The following ANO10 variants were observed in gnomAD, a reference collection of about 807,000 sequenced individuals.
ANO10 encodes anoctamin 10, also known as anoctamin-10.
Under a neutral mutation model 74.7 loss-of-function variants are expected in ANO10, and 77 were observed. The observed-to-expected ratio is 1.03, with a 90% CI of 0.86 to 1.25. ANO10 has a LOEUF of 1.25. Ranked by LOEUF, ANO10 falls within the 50% of genes most tolerant of loss-of-function variation. ANO10 has a pLI of 0.00. For synonymous variants in ANO10, 279 were observed against 284.9 expected, an observed-to-expected ratio of 0.98 and a Z score of 0.21; for missense variants, 721 against 778.1, an observed-to-expected ratio of 0.93 and a Z score of 0.87.
intron 11 of ANO10, among the ~76,000 whole-genome samples, chr3:43,443,222 T>C (rs1253809509): frequency 1.3e-5 from 2 of 152,220 alleles, no homozygotes; most frequent in African/African-American, 2.4e-5. Flanking sequence ...CATGGGTGAC[T>C]TTCCAAGATC....
intron 4 of ANO10, among the ~76,000 whole-genome samples, chr3:43,597,938 C>T (rs541845673): frequency 6.6e-6 from 1 of 151,406 alleles, no homozygotes; most frequent in African/African-American, 2.4e-5. Flanking sequence ...AAAACAACAA[C>T]AACAACAAAA....
At chr3:43,419,795 C>T (rs543552968) in intron 12 of ANO10, among the ~76,000 whole-genome samples, 2 of 152,288 alleles carry the variant, frequency 1.3e-5, no homozygotes, top group African/African-American at 2.4e-5. Context: ...GGATGACAGG[C>T]GTGAGCTACT....
rs553569452 is a variant in ANO10 at position 43,514,456 on chromosome 3, GAC to G, written c.1797+35262_1797+35263del. 2.1e-3 allele frequency among the ~76,000 whole-genome samples: 316 copies of G among 152,120 alleles called. 2 individuals are homozygous for G. The highest frequency in any genetic ancestry group is 7.0e-3 in the African/African-American group (291 of 41,500). On this transcript the variant is annotated intron_variant, in intron 11 of 12. Transcript: ENST00000292246. ...ATGATGAAACAATTATATACCAAATGACAGAGCTTCAAAAAAAAGAAGCAAAA... is the reference window on the plus strand; with the variant it reads ...ATGATGAAACAATTATATACCAAATGAGAGCTTCAAAAAAAAGAAGCAAAA...
intron 1 of ANO10, among the ~76,000 whole-genome samples, chr3:43,669,006 T>G (rs1360311411): frequency 6.6e-6 from 1 of 152,186 alleles, no homozygotes; most frequent in Non-Finnish European, 1.5e-5. Flanking sequence ...TAATGTACAT[T>G]TATAACTAAT....
chr3:43,377,134 T>A (rs2091831427), intron 12 of ANO10, among the ~76,000 whole-genome samples: 7 of 152,062 alleles, frequency 4.6e-5, no homozygotes, highest in Non-Finnish European at 1.5e-5. Flanking sequence ...TAGGCTGGAG[T>A]GGAGTGCAGT....
At chr3:43,688,070 G>A (rs1460899311) in intron 1 of ANO10, among the ~76,000 whole-genome samples, 1 of 152,182 alleles carries the variant, frequency 6.6e-6, no homozygotes, top group Non-Finnish European at 1.5e-5. Flanking sequence ...CCAGAGTTGA[G>A]GAAGATCATG....
intron 11 of ANO10, among the ~76,000 whole-genome samples, chr3:43,447,103 C>T (rs1003064092): frequency 1.3e-5 from 2 of 152,120 alleles, no homozygotes; most frequent in African/African-American, 4.8e-5. Context: ...ACTTTATCGA[C>T]CAGTGATGGA....
chr3:43,429,540 A>G (rs765182203), intron 12 of ANO10, among the ~76,000 whole-genome samples: 1 of 152,144 alleles, frequency 6.6e-6, no homozygotes, highest in Non-Finnish European at 1.5e-5. Flanking sequence ...AATGCAATCA[A>G]TGGAGAAATC....
Position 43,462,153 on chromosome 3 carries a change from G to C in ANO10, c.1798-29426C>G, listed in dbSNP as rs1320170718. 4.6e-5 allele frequency among the ~76,000 whole-genome samples: 7 copies of C among 152,132 alleles called. No homozygotes were observed. In the East Asian group the frequency reaches 1.3e-3, roughly 29 times the overall value. On this transcript the variant is annotated intron_variant, in intron 11 of 12. Transcript: ENST00000292246. ...TTTGAGCTTGAGAGAGTTGATTTAG[G>C]GTATTTGGTGGAAGAAATTTCTAAG... is the stretch of plus-strand genomic sequence containing the variant.
chr3:43,536,823 C>A (rs1267874044), intron 11 of ANO10, among the ~76,000 whole-genome samples: 1 of 151,808 alleles, frequency 6.6e-6, no homozygotes, highest in Non-Finnish European at 1.5e-5. Flanking sequence ...ATGTCCTAAG[C>A]CACAAAAGAT....
At chr3:43,621,540 TC>T (rs1448857866) in intron 1 of ANO10, among the ~76,000 whole-genome samples, 1 of 151,814 alleles carries the variant, frequency 6.6e-6, no homozygotes, top group African/African-American at 2.4e-5. Context: ...ACTGCCTCCT[TC>T]CCCAAAGCGC....
At position 43,366,477 on chromosome 3, in the gene ANO10, A is replaced by G. The variant is rs557428202; in HGVS notation, c.*429T>C. 1.6e-5 allele frequency: 5 copies of G among 314,846 alleles called. No homozygotes were observed. Among genetic ancestry groups the G allele is most frequent in the South Asian group, 1.5e-4 (5 of 32,384 alleles). 19.5% of individuals were successfully genotyped at this position (314,846 alleles called of 1,614,324 possible). A position where few individuals can be genotyped will look rare whatever the true frequency, so the allele number is the denominator to read the frequency against. ...ACTGTACCCCGCTCACTCTCAACTG[A>G]GGCTCCTGTGATGAGCACAGTGGGC... On this transcript the variant is annotated 3_prime_UTR_variant, in exon 13 of 13. Coordinates refer to ENST00000292246, the MANE Select transcript of ANO10 (RefSeq NM_018075.5).
intron 1 of ANO10, among the ~76,000 whole-genome samples, chr3:43,642,868 G>A (rs910915644): frequency 1.3e-5 from 2 of 150,314 alleles, no homozygotes; most frequent in African/African-American, 4.9e-5. Context: ...TGTGTTTTAT[G>A]ATGCCTGGTC....
At chr3:43,642,213 G>A (rs1296305406) in intron 1 of ANO10, among the ~76,000 whole-genome samples, 3 of 152,162 alleles carry the variant, frequency 2.0e-5, no homozygotes, top group Non-Finnish European at 2.9e-5. Context: ...TAACCTTACA[G>A]TGTTTTATTT....
chr3:43,603,455 G>A (rs922649409), intron 2 of ANO10, among the ~76,000 whole-genome samples: 1 of 151,750 alleles, frequency 6.6e-6, no homozygotes, highest in Admixed American at 6.6e-5. Context: ...TTTACTGAGT[G>A]CTTTTTTCCT....
intron 11 of ANO10, among the ~76,000 whole-genome samples, chr3:43,478,556 A>G (rs1489273342): frequency 6.6e-6 from 1 of 152,174 alleles, no homozygotes; most frequent in Non-Finnish European, 1.5e-5. Context: ...CAACATCATC[A>G]CAATCAGAAA....
chr3:43,662,514 G>A (rs2083937744), intron 1 of ANO10, among the ~76,000 whole-genome samples: 1 of 151,962 alleles, frequency 6.6e-6, no homozygotes, highest in South Asian at 2.1e-4. Flanking sequence ...AGAAGAAAGA[G>A]CAAACAAATT....
chr3:43,477,033 A>G (rs1307333532), intron 11 of ANO10, among the ~76,000 whole-genome samples: 1 of 152,214 alleles, frequency 6.6e-6, no homozygotes, highest in African/African-American at 2.4e-5. Context: ...TTTAAAAAAT[A>G]AAGACAAAGA....
At chr3:43,437,859 G>C (rs535990606) in intron 11 of ANO10, among the ~76,000 whole-genome samples, 1 of 145,530 alleles carries the variant, frequency 6.9e-6, no homozygotes, top group East Asian at 2.0e-4. Flanking sequence ...AAACAAAAGG[G>C]CATCTGAAAA....
Sources: gnomAD v4.1 joint callset for allele counts (sites outside exome capture counted in the v4.1 genomes callset) on GRCh38, gnomAD v4.1.1 for gene constraint, MANE v1.5 for transcripts, NCBI Gene and HGNC (gene_info 2026-07-23, HGNC 2026-07-21) for gene names.